Variants in DLG2 observed in about 807,000 individuals in gnomAD.
DLG2 encodes the protein disks large homolog 2.
Under a neutral mutation model 132.5 loss-of-function variants are expected in DLG2, and 45 were observed. The ratio of observed to expected loss-of-function variants is 0.34; its 90% confidence interval spans 0.27 to 0.44. The LOEUF is 0.44. DLG2 is among the 20% of genes least tolerant of loss of function. The probability of loss-of-function intolerance (pLI) is 1.00; values close to 1 mark genes in which losing one functional copy is unlikely to be tolerated. For synonymous variants in DLG2, 424 were observed against 419.6 expected (o/e 1.01, Z -0.13); for missense variants, 1,045 against 1,196.9 (o/e 0.87, Z 1.87).
At chr11:83,655,201 C>T (rs1408826426) in intron 18 of DLG2, among the ~76,000 whole-genome samples, 1 of 152,108 alleles carries the variant, frequency 6.6e-6, no homozygotes, top group Non-Finnish European at 1.5e-5. Context: ...AATCTTAACA[C>T]CTAGTTCAGT....
intron 3 of DLG2, among the ~76,000 whole-genome samples, chr11:85,451,248 C>A (rs890818485): frequency 6.6e-6 from 1 of 152,142 alleles, no homozygotes; most frequent in Admixed American, 6.5e-5. Context: ...CAAACCATTA[C>A]CAAATTCCAT....
intron 3 of DLG2, among the ~76,000 whole-genome samples, chr11:85,590,735 G>T (rs2079268225): frequency 6.6e-6 from 1 of 151,274 alleles, no homozygotes; most frequent in Non-Finnish European, 1.5e-5. Context: ...ATACTAGTTT[G>T]CTTGCTATAG....
intron 21 of DLG2, among the ~76,000 whole-genome samples, chr11:83,517,970 G>A (rs2095353249): frequency 6.6e-6 from 1 of 152,194 alleles, no homozygotes; most frequent in Non-Finnish European, 1.5e-5. Context: ...CGGGGGTCAG[G>A]GACCCACTTG....
intron 20 of DLG2, among the ~76,000 whole-genome samples, chr11:83,535,024 T>C (rs1364202663): frequency 6.6e-6 from 1 of 152,212 alleles, no homozygotes; most frequent in Non-Finnish European, 1.5e-5. Context: ...GCACCAGGCA[T>C]ACAACAGTTG....
chr11:84,852,995 G>A (rs2082338828), intron 6 of DLG2, among the ~76,000 whole-genome samples: 1 of 151,872 alleles, frequency 6.6e-6, no homozygotes, highest in South Asian at 2.1e-4. Flanking sequence ...AAGCAAAATT[G>A]GATTTATTTT....
chr11:85,510,770 G>A (rs2094045414), intron 3 of DLG2, among the ~76,000 whole-genome samples: 1 of 152,168 alleles, frequency 6.6e-6, no homozygotes, highest in Non-Finnish European at 1.5e-5. Context: ...TTACACTGTT[G>A]GTGGGACTGT....
At chr11:84,681,298 G>A (rs1250978533) in intron 6 of DLG2, among the ~76,000 whole-genome samples, 1 of 152,092 alleles carries the variant, frequency 6.6e-6, no homozygotes, top group East Asian at 1.9e-4. Flanking sequence ...CCATCTCTGT[G>A]CTAAGTGATT....
At chr11:84,451,268 A>G (rs2099050817) in intron 7 of DLG2, among the ~76,000 whole-genome samples, 1 of 151,828 alleles carries the variant, frequency 6.6e-6, no homozygotes, top group Non-Finnish European at 1.5e-5. Context: ...CGTTAAATTA[A>G]TGTCTTAGAA....
intron 5 of DLG2, among the ~76,000 whole-genome samples, chr11:85,117,045 A>G (rs1259183783): frequency 6.6e-6 from 1 of 152,004 alleles, no homozygotes; most frequent in Non-Finnish European, 1.5e-5. Context: ...TAACGTGGCA[A>G]ATTGGTTCTT....
chr11:83,939,376 C>T (rs542988307), intron 14 of DLG2, among the ~76,000 whole-genome samples: 55 of 152,190 alleles, frequency 3.6e-4, no homozygotes, highest in African/African-American at 1.3e-3. Context: ...TGAGTATACT[C>T]CCCACATCTT....
intron 15 of DLG2, among the ~76,000 whole-genome samples, chr11:83,889,737 A>C (rs1331879613): frequency 6.6e-6 from 1 of 152,190 alleles, no homozygotes; most frequent in Non-Finnish European, 1.5e-5. Flanking sequence ...AGACTGGATT[A>C]AGAAAATGTG....
At chr11:84,720,073 T>C (rs1269647455) in intron 6 of DLG2, among the ~76,000 whole-genome samples, 1 of 152,066 alleles carries the variant, frequency 6.6e-6, no homozygotes, top group African/African-American at 2.4e-5. Context: ...CTCTGTATGT[T>C]AGAGACCAGG....
At chr11:84,818,177 C>T (rs1221808275) in intron 6 of DLG2, among the ~76,000 whole-genome samples, 3 of 152,126 alleles carry the variant, frequency 2.0e-5, no homozygotes, top group South Asian at 2.1e-4. Flanking sequence ...AACACTTCCA[C>T]GTAGAGGACA....
At chr11:84,670,421 T>A (rs1457843898) in intron 6 of DLG2, among the ~76,000 whole-genome samples, 1 of 152,076 alleles carries the variant, frequency 6.6e-6, no homozygotes. Flanking sequence ...GTAACTTCAG[T>A]GATATGTTGC....
intron 3 of DLG2, among the ~76,000 whole-genome samples, chr11:85,583,118 GTGTGTGTGTGTGTATATATA>G (rs1420707484): frequency 1.9e-3 from 109 of 58,488 alleles, no homozygotes; most frequent in East Asian, 0.016. Context: ...GTGTGTGTGT[GTGTGTGTGTGTGTATATATA>G]TATATATATA....
chr11:85,525,568 A>C (rs1367460120), intron 3 of DLG2, among the ~76,000 whole-genome samples: 4 of 152,266 alleles, frequency 2.6e-5, no homozygotes, highest in Admixed American at 6.5e-5. Context: ...ACTATGAAAC[A>C]GGATGGAGTA....
At chr11:83,875,025 T>A (rs1471644656) in intron 15 of DLG2, among the ~76,000 whole-genome samples, 1 of 152,164 alleles carries the variant, frequency 6.6e-6, no homozygotes, top group African/African-American at 2.4e-5. Context: ...TAATTTTTTC[T>A]AACAAAATTT....
intron 18 of DLG2, chr11:83,643,811 A>G (rs1282475470): frequency 6.6e-6 from 1 of 152,034 alleles, no homozygotes; most frequent in Non-Finnish European, 1.5e-5. Flanking sequence ...CTGGGACTCA[A>G]ACTCAAATCT....
At chr11:84,365,546 T>C (rs1312179018) in intron 7 of DLG2, among the ~76,000 whole-genome samples, 1 of 152,102 alleles carries the variant, frequency 6.6e-6, no homozygotes, top group Non-Finnish European at 1.5e-5. Context: ...TTTCTTGCCT[T>C]CTGCTAGCTT....
Sources: gnomAD v4.1 joint callset for allele counts (sites outside exome capture counted in the v4.1 genomes callset) on GRCh38, gnomAD v4.1.1 for gene constraint, MANE v1.5 for transcripts, NCBI Gene and HGNC (gene_info 2026-07-23, HGNC 2026-07-21) for gene names.